CCDC73: variants seen among roughly 807,000 people sequenced by gnomAD.
The protein encoded by CCDC73 is coiled-coil domain-containing protein 73.
Under a neutral mutation model 116.5 loss-of-function variants are expected in CCDC73, and 95 were observed. The ratio of observed to expected loss-of-function variants is 0.82; its 90% CI spans 0.69 to 0.97. CCDC73 has a LOEUF of 0.97. Among genes scored for constraint, CCDC73 ranks in the 50% least tolerant of loss-of-function variants. The pLI is 0.00. For missense variants in CCDC73, 1,066 were observed against 1,206.8 expected (o/e 0.88, Z 1.73); for synonymous variants, 398 against 401.3 (o/e 0.99, Z 0.10).
intron 14 of CCDC73, among the ~76,000 whole-genome samples, chr11:32,625,455 G>C (rs1855561915): frequency 6.6e-6 from 1 of 152,160 alleles, no homozygotes; most frequent in Middle Eastern, 3.2e-3. Flanking sequence ...TCCTTCAGGA[G>C]CTCTTATAGG....
chr11:32,815,015 T>C, the CCDC73 span, among the ~76,000 whole-genome samples: 2 of 152,168 alleles, frequency 1.3e-5, no homozygotes, highest in East Asian at 1.9e-4. Context: ...AAGTAGTTAA[T>C]AGGGACTTCT....
intron 9 of CCDC73, among the ~76,000 whole-genome samples, chr11:32,656,609 G>A (rs1855876219): frequency 6.6e-6 from 1 of 152,208 alleles, no homozygotes; most frequent in Non-Finnish European, 1.5e-5. Context: ...AGCAGCATCA[G>A]CAGCATCCAC....
intron 7 of CCDC73, chr11:32,682,831 C>G (rs1479856892): frequency 6.6e-6 from 1 of 151,870 alleles, no homozygotes; most frequent in African/African-American, 2.4e-5. Flanking sequence ...GAGGAATGCA[C>G]AGTAAATAAA....
chr11:32,811,830 A>G, the CCDC73 span, among the ~76,000 whole-genome samples: 10 of 152,254 alleles, frequency 6.6e-5, no homozygotes, highest in South Asian at 4.1e-4. Flanking sequence ...CACTAGGCCT[A>G]CCTCCAGCAT....
chr11:32,747,765 G>A (rs1850253639), intron 2 of CCDC73, among the ~76,000 whole-genome samples: 1 of 152,248 alleles, frequency 6.6e-6, no homozygotes, highest in African/African-American at 2.4e-5. Flanking sequence ...GACAGGCACA[G>A]GAGGGAATCT....
At chr11:32,603,845 C>T (rs1238587213) in intron 17 of CCDC73, 8 of 152,186 alleles carry the variant, frequency 5.3e-5, no homozygotes, top group Admixed American at 1.3e-4. Context: ...GAAACTGAGG[C>T]GAGTGGATTG....
chr11:32,666,592 C>T (rs894965335), intron 9 of CCDC73, among the ~76,000 whole-genome samples: 6 of 152,122 alleles, frequency 3.9e-5, no homozygotes, highest in African/African-American at 9.7e-5. Flanking sequence ...AGCTTCTTTG[C>T]GATGGGTTCG....
At chr11:32,757,283 G>A in intron 2 of CCDC73, among the ~76,000 whole-genome samples, 1 of 151,912 alleles carries the variant, frequency 6.6e-6, no homozygotes, top group Non-Finnish European at 1.5e-5. Flanking sequence ...GCTGCCTCTG[G>A]ATGAAAAGGG....
In CCDC73 at chr11:32,614,008, A is replaced by AT. The variant is rs1855447821; in HGVS notation, c.2309_2310insA (p.Asn771Ter). The AT allele has an allele frequency of 3.7e-6, 6 of 1,611,246 alleles. No homozygotes were observed. The Middle Eastern group carries it at 4.9e-4, about 133-fold the overall frequency. On this transcript the variant is annotated frameshift_variant, in exon 16 of 18. Coordinates refer to ENST00000335185, the MANE Select transcript of CCDC73 (RefSeq NM_001008391.4). LOFTEE classifies it high-confidence loss of function. ...GATGAAGATGGGAAATGTTCACATT[A>AT]GTGTTTTCTAAGTATCCCAAACAGT...
intron 11 of CCDC73, among the ~76,000 whole-genome samples, chr11:32,653,541 T>C: frequency 6.6e-6 from 1 of 152,150 alleles, no homozygotes; most frequent in East Asian, 1.9e-4. Context: ...TACTAAAATG[T>C]CATATGAGGT....
the CCDC73 span, among the ~76,000 whole-genome samples, chr11:32,802,563 C>T: frequency 6.6e-6 from 1 of 152,200 alleles, no homozygotes; most frequent in South Asian, 2.1e-4. Context: ...AATTGATGAG[C>T]TTACATATAC....
intron 2 of CCDC73, among the ~76,000 whole-genome samples, chr11:32,731,872 G>C (rs903533456): frequency 6.6e-6 from 1 of 152,196 alleles, no homozygotes; most frequent in Non-Finnish European, 1.5e-5. Context: ...CCAAAGGAAA[G>C]CAGCTCCTCG....
chr11:32,812,667 C>A, the CCDC73 span, among the ~76,000 whole-genome samples: 7 of 127,744 alleles, frequency 5.5e-5, no homozygotes, highest in Admixed American at 1.6e-4. Flanking sequence ...GAAACTACAT[C>A]TCCAAAAAAA....
At chr11:32,697,481 CT>C (rs771837421) in intron 6 of CCDC73, among the ~76,000 whole-genome samples, 3,202 of 108,698 alleles carry the variant, frequency 0.029, 26 homozygotes, top group Non-Finnish European at 0.039. Flanking sequence ...TCTCTTTATT[CT>C]TTTTTTTTTT....
intron 6 of CCDC73, among the ~76,000 whole-genome samples, chr11:32,690,956 C>T (rs1382731695): frequency 6.6e-6 from 1 of 151,966 alleles, no homozygotes; most frequent in Admixed American, 6.6e-5. Context: ...ATGTGTCCAC[C>T]ATTAGACTAT....
intron 12 of CCDC73, among the ~76,000 whole-genome samples, chr11:32,643,076 A>G (rs1855747684): frequency 6.6e-6 from 1 of 151,810 alleles, no homozygotes; most frequent in African/African-American, 2.4e-5. Context: ...CTTACTTTCC[A>G]TATTACATAT....
In CCDC73 at chr11:32,730,445, G is replaced by A. The variant is rs114438633; in HGVS notation, c.136-12298C>T. 7.1e-3 allele frequency among the ~76,000 whole-genome samples: 1,088 copies of A among 152,218 alleles called. 17 individuals carry two copies. The highest frequency in any genetic ancestry group is 0.025 in the African/African-American group (1,049 of 41,532). ...TTTTTTTGCTGGGAATAGAATTCTA[G>A]GTTGGTAGTTATTCTTTTAACATTT... On this transcript the variant is annotated intron_variant, in intron 2 of 17. Coordinates refer to ENST00000335185, the MANE Select transcript of CCDC73 (RefSeq NM_001008391.4).
chr11:32,744,177 T>C (rs1850214307), intron 2 of CCDC73, among the ~76,000 whole-genome samples: 1 of 152,268 alleles, frequency 6.6e-6, no homozygotes, highest in Non-Finnish European at 1.5e-5. Flanking sequence ...ATGTGGTTTA[T>C]GTCATTTGTT....
At chr11:32,669,098 A>T (rs1264188819) in intron 9 of CCDC73, among the ~76,000 whole-genome samples, 1 of 152,172 alleles carries the variant, frequency 6.6e-6, no homozygotes, top group Non-Finnish European at 1.5e-5. Context: ...AATTAAAACA[A>T]CTATGGATAC....
Sources: gnomAD v4.1 joint callset for allele counts (sites outside exome capture counted in the v4.1 genomes callset) on GRCh38, gnomAD v4.1.1 for gene constraint, MANE v1.5 for transcripts, NCBI Gene and HGNC (gene_info 2026-07-23, HGNC 2026-07-21) for gene names.